Variants in CFAP90 observed in about 807,000 individuals in gnomAD.
The protein encoded by CFAP90 is cilia and flagella associated protein 90, also known as cilia- and flagella-associated protein 90.
chr5:7,846,735 ATTC>A, the CFAP90 span, among the ~76,000 whole-genome samples: 2 of 152,036 alleles, frequency 1.3e-5, no homozygotes, highest in African/African-American at 4.8e-5. Context: ...GCCTGAAATT[ATTC>A]TTCTTCTTAC....
At chr5:7,843,033 T>C in the CFAP90 span, among the ~76,000 whole-genome samples, 2 of 152,292 alleles carry the variant, frequency 1.3e-5, no homozygotes, top group African/African-American at 4.8e-5. Context: ...GTGGGCTACC[T>C]CATTTCCTGT....
chr5:7,839,159 G>T, the CFAP90 span, among the ~76,000 whole-genome samples: 2 of 152,128 alleles, frequency 1.3e-5, no homozygotes, highest in African/African-American at 4.8e-5. Context: ...ATTCACTAAC[G>T]CAGTAACAGC....
the CFAP90 span, among the ~76,000 whole-genome samples, chr5:7,833,555 AT>A: frequency 6.6e-6 from 1 of 152,142 alleles, no homozygotes; most frequent in African/African-American, 2.4e-5. Flanking sequence ...AGGTACACAT[AT>A]TACACATATG....
At chr5:7,838,234 C>T in the CFAP90 span, among the ~76,000 whole-genome samples, 8 of 152,100 alleles carry the variant, frequency 5.3e-5, no homozygotes, top group African/African-American at 1.9e-4. Context: ...TTAGAAAACT[C>T]GTACACATGA....
the CFAP90 span, chr5:7,830,527 C>G: frequency 6.6e-6 from 1 of 152,084 alleles, no homozygotes; most frequent in Non-Finnish European, 1.5e-5. Flanking sequence ...ATAATGCACC[C>G]AAAGGCATTC....
At chr5:7,846,851 A>T in the CFAP90 span, among the ~76,000 whole-genome samples, 1 of 152,096 alleles carries the variant, frequency 6.6e-6, no homozygotes, top group East Asian at 1.9e-4. Context: ...GGCTGAAGTG[A>T]TTCTCCTGCC....
the CFAP90 span, among the ~76,000 whole-genome samples, chr5:7,844,390 T>C: frequency 0.027 from 4,117 of 152,308 alleles, 180 homozygotes; most frequent in African/African-American, 0.093. Context: ...CCCTTTGTTT[T>C]AAAAATTGGC....
chr5:7,842,169 C>G, the CFAP90 span, among the ~76,000 whole-genome samples: 1 of 152,014 alleles, frequency 6.6e-6, no homozygotes, highest in Non-Finnish European at 1.5e-5. Flanking sequence ...AGCACTCTTA[C>G]TCCCAGAAGT....
chr5:7,841,697 C>T, the CFAP90 span, among the ~76,000 whole-genome samples: 1 of 152,096 alleles, frequency 6.6e-6, no homozygotes, highest in African/African-American at 2.4e-5. Context: ...GAGCTGGAGG[C>T]CATTATCCTT....
the CFAP90 span, among the ~76,000 whole-genome samples, chr5:7,838,732 C>A: frequency 6.6e-6 from 1 of 152,192 alleles, no homozygotes; most frequent in Non-Finnish European, 1.5e-5. Context: ...CTGTTCCATG[C>A]GTTTTGGGGA....
the CFAP90 span, among the ~76,000 whole-genome samples, chr5:7,845,485 G>T: frequency 2.2e-4 from 34 of 152,184 alleles, no homozygotes; most frequent in African/African-American, 8.2e-4. Flanking sequence ...CCTCACTCAA[G>T]ACAGAGCTAT....
At chr5:7,844,085 G>A in the CFAP90 span, among the ~76,000 whole-genome samples, 1 of 152,126 alleles carries the variant, frequency 6.6e-6, no homozygotes, top group East Asian at 1.9e-4. Context: ...TCTCATAAAT[G>A]GGTTTGCAAG....
the CFAP90 span, among the ~76,000 whole-genome samples, chr5:7,845,100 G>A: frequency 6.6e-6 from 1 of 152,134 alleles, no homozygotes; most frequent in African/African-American, 2.4e-5. Flanking sequence ...TTCTTCACCT[G>A]CTGGCAGGAG....
At chr5:7,836,571 A>G in the CFAP90 span, among the ~76,000 whole-genome samples, 1 of 152,162 alleles carries the variant, frequency 6.6e-6, no homozygotes, top group African/African-American at 2.4e-5. Flanking sequence ...GGAAATGCGG[A>G]TGATTTTAGG....
chr5:7,848,822 C>T, the CFAP90 span, among the ~76,000 whole-genome samples: 1 of 152,198 alleles, frequency 6.6e-6, no homozygotes, highest in Non-Finnish European at 1.5e-5. Context: ...TGCACTCATT[C>T]CTCTTCATGC....
the CFAP90 span, among the ~76,000 whole-genome samples, chr5:7,843,858 A>G: frequency 0.13 from 20,021 of 152,254 alleles, 1,436 homozygotes; most frequent in Middle Eastern, 0.18. Context: ...GCTGCAATAT[A>G]TGTGTCCATA....
At chr5:7,836,279 A>T in the CFAP90 span, among the ~76,000 whole-genome samples, 1 of 152,268 alleles carries the variant, frequency 6.6e-6, no homozygotes, top group African/African-American at 2.4e-5. Context: ...AATTCTCTAT[A>T]ATAAGCCTGA....
the CFAP90 span, among the ~76,000 whole-genome samples, chr5:7,833,512 T>A: frequency 6.6e-6 from 1 of 151,976 alleles, no homozygotes; most frequent in East Asian, 1.9e-4. Context: ...CACACATGCA[T>A]ATACACAAAC....
At chr5:7,851,071 C>G in the CFAP90 span, 1 of 1,235,234 alleles carries the variant, frequency 8.1e-7, no homozygotes, top group Admixed American at 4.2e-5. Flanking sequence ...TCCCGCCCGC[C>G]CAGGGGCCCA....
Sources: gnomAD v4.1 joint callset for allele counts (sites outside exome capture counted in the v4.1 genomes callset) on GRCh38, gnomAD v4.1.1 for gene constraint, MANE v1.5 for transcripts, NCBI Gene and HGNC (gene_info 2026-07-23, HGNC 2026-07-21) for gene names.